The following TMEM272 variants were observed in gnomAD, a reference collection of about 807,000 sequenced individuals.
The protein encoded by TMEM272 is transmembrane protein 272.
Under a neutral mutation model 3.7 loss-of-function variants are expected in TMEM272, and 8 were observed. The ratio of observed to expected loss-of-function variants is 2.17; its 90% CI spans 1.27 to 3.91. The LOEUF is 3.91. TMEM272 is among the 30% of genes most tolerant of loss of function. The probability of loss-of-function intolerance (pLI) is 0.00; values close to 1 mark genes in which losing one functional copy is unlikely to be tolerated. For missense variants in TMEM272, 166 were observed against 91.5 expected (o/e 1.81, Z -3.32); for synonymous variants, 63 against 39.8 (o/e 1.58, Z -2.20).
the TMEM272 span, among the ~76,000 whole-genome samples, chr13:51,857,888 G>C: frequency 4.0e-5 from 6 of 151,838 alleles, no homozygotes; most frequent in Admixed American, 3.3e-4. Context: ...TTAAATATAA[G>C]GGCACAGAAA....
the TMEM272 span, among the ~76,000 whole-genome samples, chr13:51,930,127 T>C: frequency 5.3e-5 from 8 of 149,800 alleles, no homozygotes; most frequent in East Asian, 2.0e-4. Flanking sequence ...GTATTTGCCT[T>C]CCCCCCCCCC....
At chr13:51,930,364 G>A in the TMEM272 span, 1 of 152,110 alleles carries the variant, frequency 6.6e-6, no homozygotes, top group African/African-American at 2.4e-5. Flanking sequence ...ATTCTATCCT[G>A]TAATTTCAAC....
the TMEM272 span, among the ~76,000 whole-genome samples, chr13:51,906,982 T>A: frequency 3.0e-3 from 462 of 152,358 alleles, 2 homozygotes; most frequent in African/African-American, 0.011. Context: ...TGAAGCCACA[T>A]CTTCTGTAGC....
chr13:51,917,773 C>A, the TMEM272 span, among the ~76,000 whole-genome samples: 1 of 152,210 alleles, frequency 6.6e-6, no homozygotes, highest in Non-Finnish European at 1.5e-5. Flanking sequence ...AAAGTGCCTG[C>A]AGCAGCTACC....
chr13:51,816,471 A>C lies in TMEM272; in HGVS notation c.*280T>G. ...GCCTCCCACACTTCATACCCTCAAAAACAATTATCCCTTTGAAAACTCTTG... is the reference window on the plus strand; with the variant it reads ...GCCTCCCACACTTCATACCCTCAAACACAATTATCCCTTTGAAAACTCTTG... On this transcript the variant is annotated 3_prime_UTR_variant, in exon 5 of 5. Transcript: ENST00000629372. 3.0e-6 allele frequency: 1 copy of C among 332,318 alleles called. No individual in the cohort carries two copies. The highest frequency in any genetic ancestry group is 5.6e-6 in the Non-Finnish European group (1 of 179,560). The allele number at this position is 332,318 out of a possible 1,614,324, so 20.6% of individuals were successfully genotyped here. A position where few individuals can be genotyped will look rare whatever the true frequency, so the allele number is the denominator to read the frequency against.
the TMEM272 span, among the ~76,000 whole-genome samples, chr13:51,925,478 T>G: frequency 6.6e-6 from 1 of 151,988 alleles, no homozygotes; most frequent in African/African-American, 2.4e-5. Flanking sequence ...ATCTAGATGG[T>G]TTGTTTATAA....
intron 4 of TMEM272, among the ~76,000 whole-genome samples, chr13:51,817,733 C>A (rs1956046455): frequency 6.6e-6 from 1 of 152,100 alleles, no homozygotes; most frequent in Admixed American, 6.5e-5. Context: ...ACTGAGAGTC[C>A]CTCTCAGTCC....
intron 2 of TMEM272, among the ~76,000 whole-genome samples, chr13:51,831,313 G>A (rs956116555): frequency 3.9e-5 from 6 of 152,086 alleles, no homozygotes; most frequent in African/African-American, 1.2e-4. Context: ...CCAGCTACTG[G>A]GGAGGCTGGC....
At chr13:51,909,175 G>T in the TMEM272 span, 1 of 1,389,466 alleles carries the variant, frequency 7.2e-7, no homozygotes, top group Non-Finnish European at 1.0e-6. Flanking sequence ...GCTAATTTTT[G>T]TCTTTTGTGA....
the TMEM272 span, among the ~76,000 whole-genome samples, chr13:51,854,130 T>C: frequency 3.3e-5 from 5 of 152,292 alleles, no homozygotes; most frequent in Middle Eastern, 3.4e-3. Context: ...GGGGAGAAAG[T>C]ATATCCTTTT....
At chr13:51,826,091 G>A (rs961930754) in intron 3 of TMEM272, among the ~76,000 whole-genome samples, 20 of 142,884 alleles carry the variant, frequency 1.4e-4, no homozygotes, top group Non-Finnish European at 1.8e-4. Context: ...GGATTATGAG[G>A]TTGTTTAATA....
At chr13:51,918,803 C>CT in the TMEM272 span, among the ~76,000 whole-genome samples, 1,281 of 81,058 alleles carry the variant, frequency 0.016, 31 homozygotes, top group African/African-American at 0.032. Context: ...TTTTGAAATT[C>CT]TTTTTTTTTT....
intron 2 of TMEM272, among the ~76,000 whole-genome samples, chr13:51,831,055 T>C (rs552042216): frequency 2.0e-5 from 3 of 152,324 alleles, no homozygotes; most frequent in East Asian, 3.8e-4. Context: ...GCCATGACTC[T>C]CAGGGTCTCA....
chr13:51,831,032 G>A (rs770520671), intron 2 of TMEM272, among the ~76,000 whole-genome samples: 3 of 152,158 alleles, frequency 2.0e-5, no homozygotes, highest in African/African-American at 4.8e-5. Context: ...ACTCTTGCTC[G>A]CTGCACCTCA....
the TMEM272 span, among the ~76,000 whole-genome samples, chr13:51,928,335 C>G: frequency 6.6e-6 from 1 of 152,228 alleles, no homozygotes; most frequent in East Asian, 1.9e-4. Context: ...ACGATGACAA[C>G]AGCCGCTAGC....
rs1367746589 is a variant in TMEM272 at position 51,838,539 on chromosome 13, C to G, written c.-9G>C. 1.4e-6 allele frequency: 1 copy of G among 703,074 alleles called. No homozygotes were observed. Among genetic ancestry groups the G allele is most frequent in the Non-Finnish European group, 2.6e-6 (1 of 385,018 alleles). The allele number at this position is 703,074 out of a possible 1,614,324, so 43.6% of individuals were successfully genotyped here. Reference sequence around the variant, plus strand: ...TCCAGACCTCCTGGCATTGTTCTTGCTCGCTGACAAAGTTCTGAGGATCAA... The same window carrying G: ...TCCAGACCTCCTGGCATTGTTCTTGGTCGCTGACAAAGTTCTGAGGATCAA... On this transcript the variant is annotated 5_prime_UTR_variant, in exon 2 of 5. Coordinates refer to ENST00000629372, the MANE Select transcript of TMEM272 (RefSeq NM_001351003.2).
the TMEM272 span, chr13:51,921,431 G>C: frequency 2.0e-5 from 3 of 152,354 alleles, no homozygotes; most frequent in East Asian, 3.9e-4. Context: ...AGGAAAGAAG[G>C]CTGCTCATCC....
At chr13:51,835,845 A>C (rs1956212725) in intron 2 of TMEM272, among the ~76,000 whole-genome samples, 1 of 152,260 alleles carries the variant, frequency 6.6e-6, no homozygotes, top group Non-Finnish European at 1.5e-5. Context: ...TTTTAGTTGG[A>C]AATAATCCCA....
At chr13:51,865,334 T>C in the TMEM272 span, 1 of 1,509,894 alleles carries the variant, frequency 6.6e-7, no homozygotes, top group Non-Finnish European at 8.9e-7. Context: ...CCCCACAGGG[T>C]CTGACCAGCC....
Sources: allele counts gnomAD v4.1 joint callset (sites outside exome capture counted in the v4.1 genomes callset), GRCh38; gene constraint gnomAD v4.1.1; transcripts MANE v1.5; gene names NCBI Gene and HGNC (gene_info 2026-07-23, HGNC 2026-07-21).